Variants in SLC43A1 observed in about 807,000 individuals in gnomAD.
The protein encoded by SLC43A1 is solute carrier family 43 member 1.
In SLC43A1, 31 loss-of-function variants were observed where a neutral mutation model predicts 59.5. The observed-to-expected ratio is 0.52, with a 90% CI of 0.39 to 0.70. The LOEUF (loss-of-function observed/expected upper bound fraction) is 0.70, where lower values mean the gene tolerates loss of function less well. Among genes scored for constraint, SLC43A1 ranks in the 30% least tolerant of loss-of-function variants. The pLI is 0.00. For synonymous variants in SLC43A1, 259 were observed against 290.9 expected (o/e 0.89, Z 1.12); for missense variants, 598 against 717.8 (o/e 0.83, Z 1.91).
chr11:57,512,040 C>T (rs1944561690), intron 2 of SLC43A1, among the ~76,000 whole-genome samples: 1 of 152,072 alleles, frequency 6.6e-6, no homozygotes, highest in Non-Finnish European at 1.5e-5. Context: ...AAATTATATA[C>T]TTGAAATGGG....
intron 14 of SLC43A1, among the ~76,000 whole-genome samples, chr11:57,485,968 G>A (rs1353165809): frequency 6.6e-6 from 1 of 152,268 alleles, no homozygotes; most frequent in Non-Finnish European, 1.5e-5. Context: ...AGGCAGATGA[G>A]TTCAATGTAA....
intron 2 of SLC43A1, among the ~76,000 whole-genome samples, chr11:57,509,717 GGAAA>G (rs1276817660): frequency 1.5e-5 from 2 of 132,468 alleles, no homozygotes; most frequent in Non-Finnish European, 3.1e-5. Context: ...AGGGAGGGAG[GGAAA>G]GAAGGAAGGA....
In SLC43A1 at chr11:57,514,329, C is replaced by G; in HGVS notation, c.-13-205G>C. ...CCAGAGGTGCACGCGGCACGGGGCTCCCGCTGAGCCACTATCGGAAACAAG... is the reference window on the plus strand; with the variant it reads ...CCAGAGGTGCACGCGGCACGGGGCTGCCGCTGAGCCACTATCGGAAACAAG... On this transcript the variant is annotated intron_variant, in intron 1 of 14. Coordinates refer to ENST00000278426, the MANE Select transcript of SLC43A1 (RefSeq NM_003627.6). The surrounding 1 kb of genome is among the most constrained non-coding windows in gnomAD (Gnocchi z 5.5). 1.7e-6 allele frequency: 1 copy of G among 571,914 alleles called. No homozygotes were observed. The highest frequency in any genetic ancestry group is 3.1e-6 in the Non-Finnish European group (1 of 327,744). 35.4% of individuals were successfully genotyped at this position (571,914 alleles called of 1,614,324 possible).
intron 14 of SLC43A1, 61 bp downstream of exon 14, chr11:57,487,034 G>C: frequency 6.3e-7 from 1 of 1,576,200 alleles, no homozygotes; most frequent in South Asian, 1.1e-5. Flanking sequence ...CACATACAAG[G>C]CCCTACCCCT....
intron 2 of SLC43A1, among the ~76,000 whole-genome samples, chr11:57,508,388 CT>C (rs925331594): frequency 6.6e-6 from 1 of 152,208 alleles, no homozygotes; most frequent in Non-Finnish European, 1.5e-5. Context: ...ACACAGATTC[CT>C]GGTCTAATTC....
chr11:57,512,400 T>C (rs934677485), intron 2 of SLC43A1, among the ~76,000 whole-genome samples: 1 of 152,102 alleles, frequency 6.6e-6, no homozygotes, highest in African/African-American at 2.4e-5. Context: ...GAGACCAGCC[T>C]GGCCAACATG....
chr11:57,491,573 C>T lies in SLC43A1; in HGVS notation c.1054+18G>A, dbSNP rs765077444. On this transcript the variant is annotated intron_variant, in intron 10 of 14. Coordinates refer to ENST00000278426, the MANE Select transcript of SLC43A1 (RefSeq NM_003627.6). ...AGTGGGGTGGGCGTGAGCCAGGGCC[C>T]TGCTTTCATAGCCCTACCTGTCTCT... The T allele has an allele frequency of 1.2e-6, 2 of 1,614,000 alleles. No individual in the cohort carries two copies. Among genetic ancestry groups the T allele is most frequent in the Non-Finnish European group, 1.7e-6 (2 of 1,179,936 alleles).
rs376880764 is a variant in SLC43A1 at position 57,500,795 on chromosome 11, G to T, written c.449C>A (p.Thr150Lys). 2.5e-6 allele frequency: 4 copies of T among 1,614,056 alleles called. No individual in the cohort carries two copies. Among genetic ancestry groups the T allele is most frequent in the African/African-American group, 1.3e-5 (1 of 74,930 alleles). ...SLNGFGGICL[T>K]FTSLTLPNMF... Reference sequence around the variant, plus strand: ...GACACTCACCGTGAGTGAAGTGAACGTTAGGCAGATGCCACCAAAGCCATT... The same window carrying T: ...GACACTCACCGTGAGTGAAGTGAACTTTAGGCAGATGCCACCAAAGCCATT... Residue 150 changes from threonine to lysine, a missense_variant, in exon 5 of 15, where the codon ACG becomes AAG. By Grantham distance (78) the Thr-to-Lys change is moderately conservative (BLOSUM62 -1). Transcript: ENST00000278426.
intron 5 of SLC43A1, among the ~76,000 whole-genome samples, chr11:57,499,999 C>T (rs577786771): frequency 6.6e-6 from 1 of 152,256 alleles, no homozygotes; most frequent in Admixed American, 6.5e-5. Context: ...TGAAATTCAG[C>T]CAAAACCACC....
chr11:57,500,315 C>T (rs1286036192), intron 5 of SLC43A1, among the ~76,000 whole-genome samples: 1 of 152,234 alleles, frequency 6.6e-6, no homozygotes, highest in South Asian at 2.1e-4. Context: ...GGCAAGCGTG[C>T]ACACGCTATC....
chr11:57,501,423 C>T (rs752624251), intron 2 of SLC43A1, 94 bp from the exon 3 acceptor site: 1 of 1,363,634 alleles, frequency 7.3e-7, no homozygotes, highest in South Asian at 1.2e-5. Flanking sequence ...GCTTTCAAAT[C>T]CCATGCCAAG....
Position 57,513,286 on chromosome 11 carries a change from A to C in SLC43A1, c.154+672T>G, listed in dbSNP as rs964784384. 3.9e-5 allele frequency among the ~76,000 whole-genome samples: 6 copies of C among 152,206 alleles called. No individual in the cohort carries two copies. The South Asian group carries it at 1.0e-3, about 26-fold the overall frequency. On this transcript the variant is annotated intron_variant, in intron 2 of 14. Coordinates refer to ENST00000278426, the MANE Select transcript of SLC43A1 (RefSeq NM_003627.6). ...AGCTCCTGAGGCGGAGCTTGTCAGC[A>C]CAGCTCTCTCCTTCCCAGAATAGGA...
At chr11:57,502,793 G>A (rs1944298637) in intron 2 of SLC43A1, among the ~76,000 whole-genome samples, 1 of 151,450 alleles carries the variant, frequency 6.6e-6, no homozygotes, top group East Asian at 1.9e-4. Flanking sequence ...AGGATTGCTT[G>A]AGCCCGGGCG....
At chr11:57,503,760 C>G (rs918639576) in intron 2 of SLC43A1, among the ~76,000 whole-genome samples, 1 of 152,190 alleles carries the variant, frequency 6.6e-6, no homozygotes, top group African/African-American at 2.4e-5. Flanking sequence ...GGCTGCACAC[C>G]GGTGACCAGC....
intron 11 of SLC43A1, among the ~76,000 whole-genome samples, chr11:57,490,309 TAA>T (rs1554980954): frequency 2.7e-4 from 21 of 78,662 alleles, no homozygotes; most frequent in East Asian, 1.0e-3. Context: ...ACTGTCTCAA[TAA>T]AAAAAAAAAA....
Position 57,511,669 on chromosome 11 carries a change from T to C in SLC43A1, c.154+2289A>G, listed in dbSNP as rs528801870. Among the ~76,000 whole-genome samples the C allele has an allele frequency of 2.0e-5, 3 of 152,222 alleles. No individual in the cohort carries two copies. In the South Asian group the frequency reaches 6.2e-4, roughly 32 times the overall value. On this transcript the variant is annotated intron_variant, in intron 2 of 14. Transcript: ENST00000278426. The stretch of plus-strand genomic sequence containing the variant: ...AAATCTCCATCAACTGACAAATGGA[T>C]AAATAGAATGGTGGTTGATCCATAC...
chr11:57,505,775 G>C (rs1286056539), intron 2 of SLC43A1, among the ~76,000 whole-genome samples: 1 of 152,108 alleles, frequency 6.6e-6, no homozygotes, highest in African/African-American at 2.4e-5. Flanking sequence ...GACTAGGTTT[G>C]GGATGGTTGT....
Position 57,488,489 on chromosome 11 carries a change from T to C in SLC43A1, c.1409+427A>G, listed in dbSNP as rs539096061. Among the ~76,000 whole-genome samples the C allele has an allele frequency of 4.6e-5, 7 of 152,312 alleles. No individual in the cohort carries two copies. In the South Asian group the frequency reaches 1.4e-3, roughly 32 times the overall value. On this transcript the variant is annotated intron_variant, in intron 13 of 14. Coordinates refer to ENST00000278426, the MANE Select transcript of SLC43A1 (RefSeq NM_003627.6). ...TGTCATTTTGTCATCATTATTGTAA[T>C]GTCCTGTTACTCCATCACATACACA...
intron 2 of SLC43A1, among the ~76,000 whole-genome samples, chr11:57,509,492 G>A (rs187521058): frequency 1.3e-5 from 2 of 152,014 alleles, no homozygotes; most frequent in East Asian, 3.9e-4. Flanking sequence ...GGAGGCTGAG[G>A]CAGGAGAATT....
Sources: gnomAD v4.1 joint callset for allele counts (sites outside exome capture counted in the v4.1 genomes callset) on GRCh38, gnomAD v4.1.1 for gene constraint, Gnocchi (gnomAD v3.1) non-coding constraint, MANE v1.5 for transcripts, NCBI Gene and HGNC (gene_info 2026-07-23, HGNC 2026-07-21) for gene names.